Variants in IP6K3 observed in about 807,000 individuals in gnomAD.
IP6K3 encodes the protein inositol hexakisphosphate kinase 3.
A neutral mutation model predicts 28.8 loss-of-function variants in IP6K3; 20 were observed. The ratio of observed to expected loss-of-function variants is 0.70; its 90% CI spans 0.49 to 1.01. The LOEUF is 1.01. Among genes scored for constraint, IP6K3 ranks in the 50% least tolerant of loss-of-function variants. IP6K3 has a pLI of 0.00. For missense variants in IP6K3, 480 were observed against 537.1 expected, an observed-to-expected ratio of 0.89 and a Z score of 1.05; for synonymous variants, 213 against 221.3, an observed-to-expected ratio of 0.96 and a Z score of 0.33.
At chr6:33,749,066 C>T (rs967564552), upstream of IP6K3, among the ~76,000 whole-genome samples, 1 of 152,106 alleles carries the variant, frequency 6.6e-6, no homozygotes, top group Non-Finnish European at 1.5e-5. Context: ...CCCTATCAGG[C>T]TGGACTCACA....
At chr6:33,727,670 C>G (rs899147650) in intron 3 of IP6K3, among the ~76,000 whole-genome samples, 5 of 152,170 alleles carry the variant, frequency 3.3e-5, no homozygotes, top group African/African-American at 1.2e-4. Flanking sequence ...CCCTCCTGGC[C>G]CCTTCCAACT....
At chr6:33,728,345 G>A (rs1317434186) in intron 2 of IP6K3, 45 bp from the exon 3 acceptor site, 2 of 1,562,530 alleles carry the variant, frequency 1.3e-6, no homozygotes, top group Admixed American at 3.3e-5. Context: ...AGTTGAGAGA[G>A]CCTCCACACG....
chr6:33,761,439 C>T, the IP6K3 span, among the ~76,000 whole-genome samples: 1 of 152,162 alleles, frequency 6.6e-6, no homozygotes, highest in East Asian at 1.9e-4. Context: ...TCCCAGCCAC[C>T]TCTGCATCTG....
At chr6:33,740,339 T>C (rs1256470872) in intron 1 of IP6K3, among the ~76,000 whole-genome samples, 1 of 152,222 alleles carries the variant, frequency 6.6e-6, no homozygotes, top group Admixed American at 6.5e-5. Context: ...TGTCGTTGCA[T>C]CATGTCCTGA....
In IP6K3 at chr6:33,725,463, C is replaced by T; in HGVS notation, c.743G>A (p.Gly248Asp). The T allele has an allele frequency of 1.2e-6, 2 of 1,612,104 alleles. No individual in the cohort carries two copies. Among genetic ancestry groups the T allele is most frequent in the East Asian group, 2.2e-5 (1 of 44,878 alleles). The change falls in exon 5 of 6, where the codon GGT becomes GAT. Residue 248 changes from glycine to aspartate, a missense_variant. Gly to Asp is a moderately conservative substitution (Grantham distance 94). Transcript: ENST00000293756. ...KCAQSTSACL[G>D]VRICGMQVYQ... ...TACCTGCATGCCGCAGATGCGCACA[C>T]CCAGGCAGGCTGAGGTGCTCTGCGC...
intron 2 of IP6K3, 68 bp downstream of exon 2, chr6:33,735,210 G>T: frequency 7.5e-7 from 1 of 1,326,206 alleles, no homozygotes; most frequent in South Asian, 1.2e-5. Flanking sequence ...AGGACGTGGT[G>T]GGTGCATTGG....
rs190887516 is a variant in IP6K3, at chr6:33,740,646, A to G, written c.-179-4991T>C. 3.9e-3 allele frequency among the ~76,000 whole-genome samples: 601 copies of G among 152,366 alleles called. 6 individuals are homozygous for G. Among genetic ancestry groups the G allele is most frequent in the African/African-American group, 0.013 (526 of 41,592 alleles). On this transcript the variant is annotated intron_variant, in intron 1 of 5. Coordinates refer to ENST00000293756, the MANE Select transcript of IP6K3 (RefSeq NM_054111.5). Reference sequence around the variant, plus strand: ...CAAGACCTCGCTGATGCCAGACACAATGACAGATGCCACCCATCAAGCCGA... The same window carrying G: ...CAAGACCTCGCTGATGCCAGACACAGTGACAGATGCCACCCATCAAGCCGA...
At chr6:33,754,233 C>T in the IP6K3 span, among the ~76,000 whole-genome samples, 1 of 152,076 alleles carries the variant, frequency 6.6e-6, no homozygotes, top group East Asian at 1.9e-4. Context: ...TGTGCAGAGT[C>T]TCCTGCTGGG....
In IP6K3 at chr6:33,725,700, C is replaced by T. The variant is rs1436200998; in HGVS notation, c.590-84G>A. 2.3e-6 allele frequency: 3 copies of T among 1,277,574 alleles called. No homozygotes were observed. The East Asian group carries it at 7.0e-5, about 30-fold the overall frequency. 79.1% of individuals were successfully genotyped at this position (1,277,574 alleles called of 1,614,324 possible). A position where few individuals can be genotyped will look rare whatever the true frequency, so the allele number is the denominator to read the frequency against. ...GTCGTTTGCATGCCTCAGAAGCTGC[C>T]TGGAAATTCCCTATTCTGGGCACCA... On this transcript the variant is annotated intron_variant, in intron 4 of 5. Transcript: ENST00000293756.
At chr6:33,760,968 C>G in the IP6K3 span, among the ~76,000 whole-genome samples, 1 of 150,590 alleles carries the variant, frequency 6.6e-6, no homozygotes, top group Admixed American at 6.6e-5. Context: ...TCTCCTTTGA[C>G]AAACCTACTT....
Position 33,722,392 on chromosome 6 carries a change from T to C in IP6K3, c.*328A>G, listed in dbSNP as rs1765933111. 2 of 203,196 alleles carry C rather than the reference T, an allele frequency of 9.8e-6. No homozygotes were observed. The highest frequency in any genetic ancestry group is 2.0e-5 in the Non-Finnish European group (2 of 99,362). The allele number at this position is 203,196 out of a possible 1,614,324, so 12.6% of individuals were successfully genotyped here. ...ACTGCAGCATGGCAACGAGTAAACA[T>C]TTTTAGATGCAAATATTCCAGAATG... is the stretch of plus-strand genomic sequence containing the variant. On this transcript the variant is annotated 3_prime_UTR_variant, in exon 6 of 6. Transcript: ENST00000293756.
intron 1 of IP6K3, among the ~76,000 whole-genome samples, chr6:33,743,030 G>T (rs1450754409): frequency 1.3e-5 from 2 of 152,142 alleles, no homozygotes; most frequent in African/African-American, 4.8e-5. Flanking sequence ...GGAGTGCTTG[G>T]CTGGCCTTGC....
At chr6:33,756,876 G>A in the IP6K3 span, among the ~76,000 whole-genome samples, 14 of 152,210 alleles carry the variant, frequency 9.2e-5, no homozygotes, top group African/African-American at 2.4e-4. Flanking sequence ...TTGCAACACC[G>A]TCTTGGTCTG....
In IP6K3 at chr6:33,721,715, C is replaced by T. The variant is rs761768462; in HGVS notation, c.*1005G>A. The T allele has an allele frequency of 5.9e-5, 9 of 152,616 alleles. No individual in the cohort carries two copies. Among genetic ancestry groups the T allele is most frequent in the Non-Finnish European group, 8.8e-5 (6 of 68,042 alleles). 9.5% of individuals were successfully genotyped at this position (152,616 alleles called of 1,614,324 possible). ...CAAATTTATTTCCCTAATTGGGTAA[C>T]GTATCTCAGTGCTTGACTCAAGGGC... On this transcript the variant is annotated 3_prime_UTR_variant, in exon 6 of 6. Coordinates refer to ENST00000293756, the MANE Select transcript of IP6K3 (RefSeq NM_054111.5).
intron 4 of IP6K3, 104 bp from the exon 5 acceptor site, chr6:33,725,720 G>T: frequency 2.0e-6 from 2 of 1,024,752 alleles, no homozygotes; most frequent in Non-Finnish European, 2.9e-6. Context: ...CCTATTCTGG[G>T]CACCATTCTT....
chr6:33,742,215 GTC>G lies in IP6K3; in HGVS notation c.-180+4541_-180+4542del, dbSNP rs1766751348. Among the ~76,000 whole-genome samples the G allele has an allele frequency of 6.6e-6, 1 of 152,148 alleles. No homozygotes were observed. Among genetic ancestry groups the G allele is most frequent in the South Asian group, 2.1e-4 (1 of 4,820 alleles). ...CAATGCTGGGACTCGGCCGTGATGA[GTC>G]TGTCTCACTCTGAAGTCGACGCCCA... On this transcript the variant is annotated intron_variant, in intron 1 of 5. Coordinates refer to ENST00000293756, the MANE Select transcript of IP6K3 (RefSeq NM_054111.5). This position sits in a 1 kb window ranked among gnomAD's most constrained non-coding sequence, Gnocchi z 4.5.
chr6:33,757,208 C>T, the IP6K3 span, among the ~76,000 whole-genome samples: 1 of 152,224 alleles, frequency 6.6e-6, no homozygotes, highest in Non-Finnish European at 1.5e-5. Flanking sequence ...CACCTCCCCA[C>T]CTGCTCCCTG....
At chr6:33,761,783 C>T in the IP6K3 span, among the ~76,000 whole-genome samples, 1 of 152,148 alleles carries the variant, frequency 6.6e-6, no homozygotes, top group East Asian at 1.9e-4. Context: ...TCTGTCTGGC[C>T]GAGCCAGCTG....
intron 1 of IP6K3, among the ~76,000 whole-genome samples, chr6:33,737,625 C>A (rs1240236176): frequency 6.6e-6 from 1 of 152,270 alleles, no homozygotes; most frequent in Admixed American, 6.5e-5. Flanking sequence ...ACAGCCTGTT[C>A]ATTCCCCAAC....
Sources: gnomAD v4.1 joint callset for allele counts (sites outside exome capture counted in the v4.1 genomes callset) on GRCh38, gnomAD v4.1.1 for gene constraint, Gnocchi (gnomAD v3.1) non-coding constraint, MANE v1.5 for transcripts, NCBI Gene and HGNC (gene_info 2026-07-23, HGNC 2026-07-21) for gene names.